Variants in DVL3 observed in about 807,000 individuals in gnomAD.
DVL3 encodes dishevelled segment polarity protein 3, also known as segment polarity protein dishevelled homolog DVL-3.
DVL3 carries 27 observed loss-of-function variants against 67.4 expected under a neutral mutation model. The ratio of observed to expected loss-of-function variants is 0.40; its 90% CI spans 0.30 to 0.55. The LOEUF (loss-of-function observed/expected upper bound fraction) is 0.55. Among genes scored for constraint, DVL3 ranks in the 20% least tolerant of loss-of-function variants. The pLI is 0.46. For missense variants in DVL3, 819 were observed against 1,021.5 expected (o/e 0.80, Z 2.70); for synonymous variants, 369 against 396.8 (o/e 0.93, Z 0.83).
rs1194454090 is a variant in DVL3 at position 184,166,771 on chromosome 3, T to C, written c.1049-55T>C. The stretch of plus-strand genomic sequence containing the variant: ...ACCCAGAACCCCCATATCTATCCTG[T>C]TGGGCCCAGCAGTGGGTGGGGTGGG... On this transcript the variant is annotated intron_variant, in intron 10 of 14. Coordinates refer to ENST00000313143, the MANE Select transcript of DVL3 (RefSeq NM_004423.4). The surrounding 1 kb of genome is among the most constrained non-coding windows in gnomAD (Gnocchi z 6.7). The C allele has an allele frequency of 9.9e-6, 16 of 1,613,420 alleles. No homozygotes were observed. The highest frequency in any genetic ancestry group is 1.2e-5 in the Non-Finnish European group (14 of 1,179,612).
At position 184,164,992 on chromosome 3, in the gene DVL3, G is replaced by C; in HGVS notation, c.599+61G>C. On this transcript the variant is annotated intron_variant, in intron 5 of 14. Transcript: ENST00000313143. This position sits in a 1 kb window ranked among gnomAD's most constrained non-coding sequence, Gnocchi z 5.3. ...TGACCCTGGAGGAGCCCTAAACCCT[G>C]AGGATGCGGGGCCCCTGGGAGGCTT... is the stretch of plus-strand genomic sequence containing the variant. The C allele has an allele frequency of 2.5e-6, 4 of 1,611,378 alleles. No homozygotes were observed. Among genetic ancestry groups the C allele is most frequent in the Non-Finnish European group, 3.4e-6 (4 of 1,178,458 alleles).
In DVL3 at chr3:184,171,478, A is replaced by T; in HGVS notation, c.*723A>T. The T allele has an allele frequency of 1.0e-6, 1 of 985,876 alleles. No homozygotes were observed. The highest frequency in any genetic ancestry group is 1.7e-5 in the African/African-American group (1 of 57,338). The allele number at this position is 985,876 out of a possible 1,614,324, so 61.1% of individuals were successfully genotyped here. A position where few individuals can be genotyped will look rare whatever the true frequency, so the allele number is the denominator to read the frequency against. On this transcript the variant is annotated 3_prime_UTR_variant, in exon 15 of 15. Transcript: ENST00000313143. Reference sequence around the variant, plus strand: ...CTGGTTCCTTCAGACCCCTAACCCTACTAACCAGCAGGCTCATCTCACCTC... The same window carrying T: ...CTGGTTCCTTCAGACCCCTAACCCTTCTAACCAGCAGGCTCATCTCACCTC...
Position 184,166,414 on chromosome 3 carries a change from A to G in DVL3, c.904-32A>G, listed in dbSNP as rs1485363351. The G allele has an allele frequency of 6.2e-7, 1 of 1,613,626 alleles. No homozygotes were observed. Among genetic ancestry groups the G allele is most frequent in the Non-Finnish European group, 8.5e-7 (1 of 1,179,654 alleles). ...GTTCCCTTTTCATCCTCCCCAGCACAGCTGTTTATCCCACTCCTGGTCCTT... is the reference window on the plus strand; with the variant it reads ...GTTCCCTTTTCATCCTCCCCAGCACGGCTGTTTATCCCACTCCTGGTCCTT... On this transcript the variant is annotated intron_variant, in intron 8 of 14. Transcript: ENST00000313143. The surrounding 1 kb of genome is among the most constrained non-coding windows in gnomAD (Gnocchi z 6.7).
Position 184,170,342 on chromosome 3 carries a change from C to T in DVL3, c.1738C>T (p.Arg580Cys). The change falls in exon 15 of 15, where the codon CGT becomes TGT. Residue 580 changes from arginine to cysteine, a missense_variant. Physicochemically the swap from Arg to Cys is radical, Grantham distance 180 (BLOSUM62 -3). Around this residue, in one of 3 missense-constraint regions of DVL3, gnomAD observed 324 missense variants for 331.3 expected, o/e 0.98. Transcript: ENST00000313143. The surrounding 1 kb of genome is among the most constrained non-coding windows in gnomAD (Gnocchi z 6.5). ...AGGCAGTCGGAGCAGTGGCTCCAAC[C>T]GTAGCGGCAGCGATCGGAGGAAGGA... ...SEGSRSSGSN[R>C]SGSDRRKEKD... The T allele has an allele frequency of 1.2e-6, 2 of 1,604,584 alleles. No individual in the cohort carries two copies. Among genetic ancestry groups the T allele is most frequent in the South Asian group, 1.1e-5 (1 of 90,054 alleles).
At chr3:184,168,691 A>T (rs1281156964) in intron 13 of DVL3, among the ~76,000 whole-genome samples, 1 of 152,142 alleles carries the variant, frequency 6.6e-6, no homozygotes, top group Non-Finnish European at 1.5e-5. Context: ...GCTGGGAGGA[A>T]TGTCTCATCT....
At position 184,165,557 on chromosome 3, in the gene DVL3, C is replaced by T; in HGVS notation, c.763+66C>T. On this transcript the variant is annotated intron_variant, in intron 7 of 14. Transcript: ENST00000313143. This position sits in a 1 kb window ranked among gnomAD's most constrained non-coding sequence, Gnocchi z 4.1. Reference sequence around the variant, plus strand: ...GCCAGACACTGGGCAGACTTGAGTTCAGAGAGCGTAGAATATGTTCCCTGC... The same window carrying T: ...GCCAGACACTGGGCAGACTTGAGTTTAGAGAGCGTAGAATATGTTCCCTGC... The T allele has an allele frequency of 7.0e-7, 1 of 1,426,844 alleles. No homozygotes were observed. The highest frequency in any genetic ancestry group is 9.9e-7 in the Non-Finnish European group (1 of 1,011,604). The allele number at this position is 1,426,844 out of a possible 1,614,324, so 88.4% of individuals were successfully genotyped here.
At position 184,164,056 on chromosome 3, in the gene DVL3, C is replaced by T. The variant is rs73185719; in HGVS notation, c.232-211C>T. 0.01 allele frequency among the ~76,000 whole-genome samples: 1,534 copies of T among 152,252 alleles called. 10 individuals carry two copies. The highest frequency in any genetic ancestry group is 0.015 in the Non-Finnish European group (1,045 of 68,022). On this transcript the variant is annotated intron_variant, in intron 2 of 14. Transcript: ENST00000313143. This position sits in a 1 kb window ranked among gnomAD's most constrained non-coding sequence, Gnocchi z 5.3. ...CTTGTTCTTTGTCCCCATTCCACTT[C>T]ACCACCCCATGCCTTCCAACAACCC...
Position 184,163,955 on chromosome 3 carries a change from C to T in DVL3, c.231+229C>T, listed in dbSNP as rs796286446. 1.2e-4 allele frequency among the ~76,000 whole-genome samples: 18 copies of T among 152,216 alleles called. No individual in the cohort carries two copies. The highest frequency in any genetic ancestry group is 4.1e-4 in the African/African-American group (17 of 41,520). ...CGGAAACACACAGTGGAGACAGTAA[C>T]GTTTCCTATGCCGTTCAGACACTTG... On this transcript the variant is annotated intron_variant, in intron 2 of 14. Coordinates refer to ENST00000313143, the MANE Select transcript of DVL3 (RefSeq NM_004423.4). This position sits in a 1 kb window ranked among gnomAD's most constrained non-coding sequence, Gnocchi z 4.5.
chr3:184,170,471 G>C lies in DVL3; in HGVS notation c.1867G>C (p.Glu623Gln), dbSNP rs1190859013. 7 of 1,587,660 alleles carry C rather than the reference G, an allele frequency of 4.4e-6. No individual in the cohort carries two copies. In the South Asian group the frequency reaches 4.5e-5, roughly 10 times the overall value. Residue 623 changes from glutamate (E) to glutamine (Q), a missense_variant, in exon 15 of 15, where the codon GAG becomes CAG. By Grantham distance (29) the Glu-to-Gln change is conservative. Transcript: ENST00000313143. This position sits in a 1 kb window ranked among gnomAD's most constrained non-coding sequence, Gnocchi z 6.5. Reference protein sequence around the residue: ...LRGPRERAPSERSGPAASEHS... With the variant: ...LRGPRERAPSQRSGPAASEHS... Reference sequence around the variant, plus strand: ...GGGGCCGCGGGAGCGGGCGCCCAGCGAGCGCTCAGGGCCGGCGGCCAGCGA... The same window carrying C: ...GGGGCCGCGGGAGCGGGCGCCCAGCCAGCGCTCAGGGCCGGCGGCCAGCGA...
In DVL3 at chr3:184,172,197, G is replaced by C. The variant is rs989103628; in HGVS notation, c.*1442G>C. ...AGAGCAAGGACACAGGAGCCCACAG[G>C]CCAGTTGAGGTTGGGCAAGGAGACT... On this transcript the variant is annotated 3_prime_UTR_variant, in exon 15 of 15. Coordinates refer to ENST00000313143, the MANE Select transcript of DVL3 (RefSeq NM_004423.4). The C allele has an allele frequency of 6.6e-6, 1 of 152,356 alleles. No homozygotes were observed. The highest frequency in any genetic ancestry group is 1.5e-5 in the Non-Finnish European group (1 of 68,128). 9.4% of individuals were successfully genotyped at this position (152,356 alleles called of 1,614,324 possible). A position where few individuals can be genotyped will look rare whatever the true frequency, so the allele number is the denominator to read the frequency against.
chr3:184,170,721 G>A lies in DVL3; in HGVS notation c.2117G>A (p.Gly706Glu). Residue 706 changes from glycine to glutamate, a missense_variant, in exon 15 of 15, where the codon GGA becomes GAA. By Grantham distance (98) the Gly-to-Glu change is moderately conservative. Coordinates refer to ENST00000313143, the MANE Select transcript of DVL3 (RefSeq NM_004423.4). This position sits in a 1 kb window ranked among gnomAD's most constrained non-coding sequence, Gnocchi z 6.5. The stretch of plus-strand genomic sequence containing the variant: ...AGACAGTCCTTCCGCATGGCCATGG[G>A]AAACCCCAGTGAGTTCTTTGTGGAT... ...ASRQSFRMAM[G>E]NPSEFFVDVM 1.2e-6 allele frequency: 2 copies of A among 1,613,718 alleles called. No individual in the cohort carries two copies. Among genetic ancestry groups the A allele is most frequent in the Non-Finnish European group, 1.7e-6 (2 of 1,179,938 alleles).
intron 1 of DVL3, among the ~76,000 whole-genome samples, chr3:184,160,945 T>C (rs892445558): frequency 1.3e-5 from 2 of 152,190 alleles, no homozygotes; most frequent in Non-Finnish European, 2.9e-5. Flanking sequence ...CTTTCTGCCA[T>C]GGTGGGCCGC....
Position 184,172,983 on chromosome 3 carries a change from T to C in DVL3, c.*2228T>C, listed in dbSNP as rs1714900105. The C allele has an allele frequency of 6.6e-6, 1 of 152,290 alleles. No individual in the cohort carries two copies. The highest frequency in any genetic ancestry group is 1.5e-5 in the Non-Finnish European group (1 of 68,062). 9.4% of individuals were successfully genotyped at this position (152,290 alleles called of 1,614,324 possible). A position where few individuals can be genotyped will look rare whatever the true frequency, so the allele number is the denominator to read the frequency against. On this transcript the variant is annotated 3_prime_UTR_variant, in exon 15 of 15. Coordinates refer to ENST00000313143, the MANE Select transcript of DVL3 (RefSeq NM_004423.4). The stretch of plus-strand genomic sequence containing the variant: ...TATCAGTGCTTCCATCGTTCCATCT[T>C]TGATTCACTTCTCTTTCCTTTCTAT...
At position 184,170,012 on chromosome 3, in the gene DVL3, C is replaced by T. The variant is rs770794579; in HGVS notation, c.1505C>T (p.Ala502Val). Residue 502 changes from alanine (A) to valine (V), a missense_variant, in exon 14 of 15, where the codon GCC (alanine) becomes GTC (valine). Ala to Val is a moderately conservative substitution (Grantham distance 64, BLOSUM62 0). Coordinates refer to ENST00000313143, the MANE Select transcript of DVL3 (RefSeq NM_004423.4). The surrounding 1 kb of genome is among the most constrained non-coding windows in gnomAD (Gnocchi z 6.5). ...CCGGCCCTCCCCTTCACAGACATGG[C>T]CAACCTGTCTCTCCACGATCACGAT... ...YIFGDLCGNM[A>V]NLSLHDHDGS... The T allele has an allele frequency of 1.1e-5, 18 of 1,604,374 alleles. No individual in the cohort carries two copies. The highest frequency in any genetic ancestry group is 3.3e-4 in the Middle Eastern group (2 of 6,026).
chr3:184,170,869 TA>T lies in DVL3; in HGVS notation c.*117del, dbSNP rs1248394676. 3.2e-6 allele frequency: 5 copies of T among 1,552,030 alleles called. No individual in the cohort carries two copies. Among genetic ancestry groups the T allele is most frequent in the Non-Finnish European group, 2.6e-6 (3 of 1,148,224 alleles). On this transcript the variant is annotated 3_prime_UTR_variant, in exon 15 of 15. Transcript: ENST00000313143. This position sits in a 1 kb window ranked among gnomAD's most constrained non-coding sequence, Gnocchi z 6.5. ...TACCTGAAAGGGAAATAAAAGGAACTAAATCCAGGTGCGCTAACTGCTCGCA... is the reference window on the plus strand; with the variant it reads ...TACCTGAAAGGGAAATAAAAGGAACTAATCCAGGTGCGCTAACTGCTCGCA...
rs905179367 is a variant in DVL3 at position 184,163,074 on chromosome 3, A to G, written c.162-583A>G. Among the ~76,000 whole-genome samples the G allele has an allele frequency of 3.9e-5, 6 of 151,950 alleles. No homozygotes were observed. The highest frequency in any genetic ancestry group is 1.5e-4 in the African/African-American group (6 of 41,342). ...GCTAATTTTTGTATTTTTAGTAGAGATGGGGTTTTGCCATGTTAGCCAGGC... is the reference window on the plus strand; with the variant it reads ...GCTAATTTTTGTATTTTTAGTAGAGGTGGGGTTTTGCCATGTTAGCCAGGC... On this transcript the variant is annotated intron_variant, in intron 1 of 14. Coordinates refer to ENST00000313143, the MANE Select transcript of DVL3 (RefSeq NM_004423.4). The surrounding 1 kb of genome is among the most constrained non-coding windows in gnomAD (Gnocchi z 4.5).
Position 184,166,586 on chromosome 3 carries a change from T to G in DVL3, c.981-20T>G, listed in dbSNP as rs200036546. ...TGGCCTATACGCATCCTGCCTTCAC[T>G]AGGACACCCTTGTTTTCAGGCCCAT... On this transcript the variant is annotated intron_variant, in intron 9 of 14. Transcript: ENST00000313143. The surrounding 1 kb of genome is among the most constrained non-coding windows in gnomAD (Gnocchi z 6.7). The G allele has an allele frequency of 6.1e-5, 99 of 1,614,046 alleles. 1 individual carries two copies. The highest frequency in any genetic ancestry group is 5.8e-4 in the South Asian group (53 of 91,094).
In DVL3 at chr3:184,170,341, C is replaced by G; in HGVS notation, c.1737C>G (p.Asn579Lys). The stretch of plus-strand genomic sequence containing the variant: ...CAGGCAGTCGGAGCAGTGGCTCCAA[C>G]CGTAGCGGCAGCGATCGGAGGAAGG... ...HSEGSRSSGSNRSGSDRRKEK... is the reference protein window; with the variant it reads ...HSEGSRSSGSKRSGSDRRKEK... The change falls in exon 15 of 15, where the codon AAC becomes AAG. Residue 579 changes from asparagine to lysine, a missense_variant. This residue lies in a region of DVL3 where 324 missense variants were observed against 331.3 expected (regional missense o/e 0.98). Transcript: ENST00000313143. This position sits in a 1 kb window ranked among gnomAD's most constrained non-coding sequence, Gnocchi z 6.5. 1 of 1,604,548 alleles carries G rather than the reference C, an allele frequency of 6.2e-7. No individual in the cohort carries two copies. Among genetic ancestry groups the G allele is most frequent in the Non-Finnish European group, 8.5e-7 (1 of 1,175,928 alleles).
rs745697751 is a variant in DVL3, at chr3:184,163,626, G to T, written c.162-31G>T. ...AGGATCCTCCATTTGCACCCTAGAA[G>T]GTTCTCTGTGACATCCCCCTTTCTC... On this transcript the variant is annotated intron_variant, in intron 1 of 14. Coordinates refer to ENST00000313143, the MANE Select transcript of DVL3 (RefSeq NM_004423.4). The surrounding 1 kb of genome is among the most constrained non-coding windows in gnomAD (Gnocchi z 4.5). The T allele has an allele frequency of 1.9e-5, 30 of 1,606,058 alleles. 1 individual carries two copies. In the South Asian group the frequency reaches 3.2e-4, roughly 17 times the overall value.
Sources: gnomAD v4.1 joint callset for allele counts (sites outside exome capture counted in the v4.1 genomes callset) on GRCh38, gnomAD v4.1.1 for gene constraint, gnomAD v4.1.1 regional missense constraint, Gnocchi (gnomAD v3.1) non-coding constraint, MANE v1.5 for transcripts, NCBI Gene and HGNC (gene_info 2026-07-23, HGNC 2026-07-21) for gene names.